The following AOAH variants were observed in gnomAD, a reference collection of about 807,000 sequenced individuals.
AOAH encodes acyloxyacyl hydrolase.
Under a neutral mutation model 92.2 loss-of-function variants are expected in AOAH, and 64 were observed. That is an observed-to-expected ratio of 0.69 (90% CI 0.57 to 0.86). The LOEUF is 0.86. Among genes scored for constraint, AOAH ranks in the 40% least tolerant of loss-of-function variants. The pLI is 0.00. For missense variants in AOAH, 656 were observed against 694.6 expected (o/e 0.94, Z 0.62); for synonymous variants, 263 against 254.5 (o/e 1.03, Z -0.32).
rs151240312 is a variant in AOAH at position 36,576,610 on chromosome 7, A to G, written c.985T>C (p.Cys329Arg). ...IYLRLWKRNHCNHRDYQNISR... is the reference protein window; with the variant it reads ...IYLRLWKRNHRNHRDYQNISR... ...ATATTCTGGTAGTCCCTGTGATTAC[A>G]GTGGTTTCTTTTCCATAAGCGAAGG... The change falls in exon 13 of 21, where the codon TGT becomes CGT. Residue 329 changes from cysteine to arginine, a missense_variant. Coordinates refer to ENST00000617537, the MANE Select transcript of AOAH (RefSeq NM_001637.4). 1.5e-4 allele frequency: 234 copies of G among 1,584,472 alleles called. 1 individual carries two copies. The highest frequency in any genetic ancestry group is 2.2e-5 in the Non-Finnish European group (25 of 1,160,972).
intron 14 of AOAH, 73 bp downstream of exon 14, chr7:36,549,366 G>C: frequency 8.9e-7 from 1 of 1,119,108 alleles, no homozygotes. Context: ...TGATTATGGG[G>C]TAATAACAGA....
At position 36,659,152 on chromosome 7, in the gene AOAH, GATT is replaced by G; in HGVS notation, c.390+11_390+13del. 1 of 1,598,880 alleles carries G rather than the reference GATT, an allele frequency of 6.3e-7. No homozygotes were observed. Among genetic ancestry groups the G allele is most frequent in the Non-Finnish European group, 8.6e-7 (1 of 1,166,106 alleles). On this transcript the variant is annotated intron_variant, in intron 4 of 20. Coordinates refer to ENST00000617537, the MANE Select transcript of AOAH (RefSeq NM_001637.4). ...GTCCCTGGAAACAGATGTTCAGAGT[GATT>G]ACACACTCACCTTGGGAAGAGGGTA... is the stretch of plus-strand genomic sequence containing the variant.
intron 5 of AOAH, 76 bp from the exon 6 acceptor site, chr7:36,632,182 G>T: frequency 8.0e-7 from 1 of 1,242,346 alleles, no homozygotes; most frequent in Non-Finnish European, 1.1e-6. Flanking sequence ...AGGCCCCTCT[G>T]AACTTGAGGT....
chr7:36,655,167 A>G (rs1794802526), intron 4 of AOAH, among the ~76,000 whole-genome samples: 1 of 152,242 alleles, frequency 6.6e-6, no homozygotes, highest in East Asian at 1.9e-4. Flanking sequence ...AGAAACTAGT[A>G]TCTTGATGTC....
chr7:36,669,456 C>T (rs1795773894), intron 3 of AOAH, among the ~76,000 whole-genome samples: 3 of 144,418 alleles, frequency 2.1e-5, no homozygotes, highest in Admixed American at 1.4e-4. Context: ...GATTTTGGCT[C>T]ATTGCAACCT....
rs544868676 is a variant in AOAH, at chr7:36,697,682, C to T, written c.128-10888G>A. Among the ~76,000 whole-genome samples, 4 of 152,208 alleles carry T rather than the reference C, an allele frequency of 2.6e-5. No individual in the cohort carries two copies. In the East Asian group the frequency reaches 7.7e-4, roughly 29 times the overall value. On this transcript the variant is annotated intron_variant, in intron 1 of 20. Transcript: ENST00000617537. ...ATTTTCTGTACCTGGTTGAACAGTG[C>T]CCTAAAATTCATGCCCTTCCTGGGA...
At chr7:36,515,422 C>CA (rs1783579801) in intron 20 of AOAH, among the ~76,000 whole-genome samples, 1 of 108,792 alleles carries the variant, frequency 9.2e-6, no homozygotes. Flanking sequence ...ATCACACACA[C>CA]CCCCCACACA....
chr7:36,653,999 GA>G (rs1169980140), intron 4 of AOAH, among the ~76,000 whole-genome samples: 1 of 152,116 alleles, frequency 6.6e-6, no homozygotes, highest in African/African-American at 2.4e-5. Flanking sequence ...GGATACACAC[GA>G]ATAAGTTGCA....
At position 36,516,119 on chromosome 7, in the gene AOAH, C is replaced by T. The variant is rs1406614856; in HGVS notation, c.1600-2739G>A. 6.7e-6 allele frequency among the ~76,000 whole-genome samples: 1 copy of T among 149,870 alleles called. No individual in the cohort carries two copies. Among genetic ancestry groups the T allele is most frequent in the Non-Finnish European group, 1.5e-5 (1 of 67,294 alleles). On this transcript the variant is annotated intron_variant, in intron 20 of 20. Coordinates refer to ENST00000617537, the MANE Select transcript of AOAH (RefSeq NM_001637.4). This position sits in a 1 kb window ranked among gnomAD's most constrained non-coding sequence, Gnocchi z 5.0. ...ACACACCACACAGATACATCACACACACACCACACACAGATACACCACACA... is the reference window on the plus strand; with the variant it reads ...ACACACCACACAGATACATCACACATACACCACACACAGATACACCACACA...
At chr7:36,535,697 T>C (rs886308902) in intron 16 of AOAH, among the ~76,000 whole-genome samples, 1 of 152,192 alleles carries the variant, frequency 6.6e-6, no homozygotes, top group Non-Finnish European at 1.5e-5. Context: ...GCACGTTCGC[T>C]GTCAGGGTCC....
chr7:36,582,099 T>G (rs1375002427), intron 12 of AOAH, among the ~76,000 whole-genome samples: 1 of 152,248 alleles, frequency 6.6e-6, no homozygotes, highest in African/African-American at 2.4e-5. Flanking sequence ...CTATGCATAA[T>G]GAGGCTAAAC....
chr7:36,553,208 G>A (rs1786416325), intron 13 of AOAH, among the ~76,000 whole-genome samples: 1 of 146,590 alleles, frequency 6.8e-6, no homozygotes, highest in Admixed American at 7.1e-5. Context: ...CTATGAGTGA[G>A]AACATGCGGT....
chr7:36,670,796 A>G (rs1584079048), intron 3 of AOAH, among the ~76,000 whole-genome samples: 1 of 152,212 alleles, frequency 6.6e-6, no homozygotes. Flanking sequence ...TTCTTTCTCC[A>G]TACCTATGCC....
chr7:36,638,271 C>T (rs915902872), intron 4 of AOAH, among the ~76,000 whole-genome samples: 5 of 152,208 alleles, frequency 3.3e-5, no homozygotes, highest in African/African-American at 9.7e-5. Flanking sequence ...CCTTCTGCTA[C>T]GCTGATCTCC....
At chr7:36,711,854 C>T (rs1798789189) in intron 1 of AOAH, among the ~76,000 whole-genome samples, 1 of 152,080 alleles carries the variant, frequency 6.6e-6, no homozygotes, top group Non-Finnish European at 1.5e-5. Flanking sequence ...TGCTGGCGCT[C>T]TTAGGGCTGA....
intron 12 of AOAH, among the ~76,000 whole-genome samples, chr7:36,587,271 C>CAAAA (rs57475443): frequency 2.3e-3 from 195 of 83,632 alleles, no homozygotes; most frequent in Non-Finnish European, 3.2e-3. Context: ...GACTCCGTCT[C>CAAAA]AAAAAAAAAA....
intron 2 of AOAH, among the ~76,000 whole-genome samples, chr7:36,680,281 C>T (rs921102677): frequency 7.2e-5 from 11 of 152,080 alleles, no homozygotes; most frequent in African/African-American, 2.4e-4. Flanking sequence ...AAATGCTTTG[C>T]ACGATTAGAA....
At chr7:36,521,519 G>A (rs1168112794) in intron 20 of AOAH, among the ~76,000 whole-genome samples, 1 of 152,146 alleles carries the variant, frequency 6.6e-6, no homozygotes, top group Non-Finnish European at 1.5e-5. Flanking sequence ...TTACAGAACT[G>A]TACTTTGGAT....
chr7:36,594,605 G>T, intron 11 of AOAH, 175 bp from the exon 12 acceptor site: 1 of 684,382 alleles, frequency 1.5e-6, no homozygotes. Context: ...CTTCATCAGG[G>T]AAGTCACAAT....
Sources: gnomAD v4.1 joint callset for allele counts (sites outside exome capture counted in the v4.1 genomes callset) on GRCh38, gnomAD v4.1.1 for gene constraint, Gnocchi (gnomAD v3.1) non-coding constraint, MANE v1.5 for transcripts, NCBI Gene and HGNC (gene_info 2026-07-23, HGNC 2026-07-21) for gene names.